Variants in PARD3B observed in about 807,000 individuals in gnomAD.
The protein encoded by PARD3B is par-3 family cell polarity regulator beta, also known as partitioning defective 3 homolog B.
In PARD3B, 103 loss-of-function variants were observed where a neutral mutation model predicts 130.2. The observed-to-expected ratio is 0.79, with a 90% CI of 0.67 to 0.93. PARD3B has a LOEUF of 0.93. Ranked by LOEUF, PARD3B falls within the 40% of genes least tolerant of loss-of-function variation. The pLI is 0.00. For synonymous variants in PARD3B, 583 were observed against 553.2 expected, an observed-to-expected ratio of 1.05 and a Z score of -0.76; for missense variants, 1,609 against 1,499.2, an observed-to-expected ratio of 1.07 and a Z score of -1.21.
intron 2 of PARD3B, among the ~76,000 whole-genome samples, chr2:204,749,378 C>T (rs113367901): frequency 0.027 from 4,089 of 152,176 alleles, 68 homozygotes; most frequent in Middle Eastern, 0.071. Flanking sequence ...TAGTGTTGAT[C>T]TCTAAGGAGT....
At chr2:205,036,888 T>C (rs1474821706) in intron 3 of PARD3B, among the ~76,000 whole-genome samples, 1 of 151,400 alleles carries the variant, frequency 6.6e-6, no homozygotes, top group Non-Finnish European at 1.5e-5. Flanking sequence ...TAGCGGACTG[T>C]ATATATAAAG....
At position 205,479,624 on chromosome 2, in the gene PARD3B, C is replaced by G. The variant is rs1040120573; in HGVS notation, c.3045-20272C>G. On this transcript the variant is annotated intron_variant, in intron 20 of 22. Coordinates refer to ENST00000406610, the MANE Select transcript of PARD3B (RefSeq NM_001302769.2). ...TTTTCTCCAGCTTCGTGACCATTAC[C>G]TAGGCCAGTCTACCATCACCCCTCA... 2.6e-5 allele frequency among the ~76,000 whole-genome samples: 4 copies of G among 152,210 alleles called. No individual in the cohort carries two copies. The South Asian group carries it at 8.3e-4, about 32-fold the overall frequency.
chr2:204,745,611 C>T (rs1391741448), intron 2 of PARD3B, among the ~76,000 whole-genome samples: 1 of 152,042 alleles, frequency 6.6e-6, no homozygotes, highest in East Asian at 1.9e-4. Context: ...CCATATTGGC[C>T]AGGCTGGTCT....
chr2:205,486,434 A>G (rs2049444801), intron 20 of PARD3B, among the ~76,000 whole-genome samples: 2 of 152,120 alleles, frequency 1.3e-5, no homozygotes, highest in South Asian at 2.1e-4. Context: ...TTTTGATGCA[A>G]TCTGCATCAG....
At chr2:205,111,114 A>G (rs1339385052) in intron 5 of PARD3B, among the ~76,000 whole-genome samples, 1 of 152,162 alleles carries the variant, frequency 6.6e-6, no homozygotes, top group Non-Finnish European at 1.5e-5. Flanking sequence ...ATAACATTTT[A>G]TAAAGAACAT....
intron 18 of PARD3B, among the ~76,000 whole-genome samples, chr2:205,342,353 C>G (rs532605911): frequency 2.2e-4 from 33 of 152,274 alleles, no homozygotes; most frequent in African/African-American, 7.5e-4. Context: ...AATCAGATGT[C>G]TACTAGAGCA....
chr2:205,122,732 G>T lies in PARD3B; in HGVS notation c.1165+783G>T, dbSNP rs908921592. 6.6e-6 allele frequency among the ~76,000 whole-genome samples: 1 copy of T among 152,142 alleles called. No individual in the cohort carries two copies. The highest frequency in any genetic ancestry group is 1.5e-5 in the Non-Finnish European group (1 of 68,018). ...TTAATAGAGAATTTATGGTCAAAAG[G>T]TAGTTTTAGAAAAACTATTAAGGTC... On this transcript the variant is annotated intron_variant, in intron 8 of 22. Transcript: ENST00000406610. The surrounding 1 kb of genome is among the most constrained non-coding windows in gnomAD (Gnocchi z 4.3).
chr2:204,568,589 T>C (rs902177208), intron 1 of PARD3B, among the ~76,000 whole-genome samples: 5 of 152,202 alleles, frequency 3.3e-5, no homozygotes, highest in Admixed American at 6.5e-5. Context: ...ACAACACTTA[T>C]TTAAAATATT....
intron 2 of PARD3B, among the ~76,000 whole-genome samples, chr2:204,850,218 A>G (rs1004377923): frequency 1.3e-5 from 2 of 152,102 alleles, no homozygotes; most frequent in Non-Finnish European, 2.9e-5. Flanking sequence ...GTGATGTGAG[A>G]TTTGGTGGCA....
chr2:204,925,686 A>C (rs1433258266), intron 2 of PARD3B, among the ~76,000 whole-genome samples: 1 of 152,008 alleles, frequency 6.6e-6, no homozygotes, highest in Non-Finnish European at 1.5e-5. Flanking sequence ...TGAGATTCAC[A>C]CCTCCAAGAG....
intron 2 of PARD3B, among the ~76,000 whole-genome samples, chr2:204,809,580 G>T (rs929873017): frequency 3.9e-5 from 6 of 152,084 alleles, no homozygotes; most frequent in Non-Finnish European, 8.8e-5. Flanking sequence ...TGGGGTCTCT[G>T]TTCTGTTCCA....
At chr2:204,881,315 G>A (rs893890736) in intron 2 of PARD3B, among the ~76,000 whole-genome samples, 15 of 151,670 alleles carry the variant, frequency 9.9e-5, no homozygotes, top group Non-Finnish European at 1.5e-4. Flanking sequence ...AATCCCTTTC[G>A]GTGGGGGGTG....
rs2047075425 is a variant in PARD3B, at chr2:205,424,444, G to A, written c.2742-15926G>A. Among the ~76,000 whole-genome samples the A allele has an allele frequency of 2.0e-5, 3 of 152,262 alleles. No individual in the cohort carries two copies. The South Asian group carries it at 6.2e-4, about 32-fold the overall frequency. ...GGATGAGTGTCCAGGGCCTTGGGAA[G>A]TGTGGCATTTAGGGCCAAGAAAACA... is the stretch of plus-strand genomic sequence containing the variant. On this transcript the variant is annotated intron_variant, in intron 19 of 22. Coordinates refer to ENST00000406610, the MANE Select transcript of PARD3B (RefSeq NM_001302769.2).
intron 2 of PARD3B, among the ~76,000 whole-genome samples, chr2:204,718,158 C>CT (rs761081141): frequency 1.8e-4 from 28 of 151,544 alleles, no homozygotes; most frequent in South Asian, 6.3e-4. Context: ...TTTGTGTTAT[C>CT]TTTTTTTTTC....
In PARD3B at chr2:205,617,203, A is replaced by G. The variant is rs1406543223; in HGVS notation, c.*1390A>G. ...TTTGCAGTAATTTTCTATGGAAACT[A>G]AAACCTCTAAAACATACAAGCTGGC... On this transcript the variant is annotated 3_prime_UTR_variant, in exon 23 of 23. Coordinates refer to ENST00000406610, the MANE Select transcript of PARD3B (RefSeq NM_001302769.2). The G allele has an allele frequency of 2.6e-5, 4 of 153,824 alleles. No individual in the cohort carries two copies. The Admixed American group carries it at 2.6e-4, about 10-fold the overall frequency. The allele number at this position is 153,824 out of a possible 1,614,324, so 9.5% of individuals were successfully genotyped here. A position where few individuals can be genotyped will look rare whatever the true frequency, so the allele number is the denominator to read the frequency against.
chr2:205,185,026 A>G (rs2036014200), intron 13 of PARD3B, among the ~76,000 whole-genome samples: 1 of 152,210 alleles, frequency 6.6e-6, no homozygotes, highest in Admixed American at 6.5e-5. Flanking sequence ...ATGAAATAAT[A>G]TACAAGGCTT....
chr2:204,892,388 A>G (rs2046480209), intron 2 of PARD3B, among the ~76,000 whole-genome samples: 1 of 152,200 alleles, frequency 6.6e-6, no homozygotes, highest in South Asian at 2.1e-4. Context: ...TCATTAGCTT[A>G]GACCAGAGGA....
chr2:205,469,821 A>G (rs527969349), intron 20 of PARD3B, among the ~76,000 whole-genome samples: 1 of 152,248 alleles, frequency 6.6e-6, no homozygotes, highest in African/African-American at 2.4e-5. Context: ...CATTTTAAAA[A>G]GCTTGACCAT....
At chr2:205,379,938 C>T (rs753957450) in intron 18 of PARD3B, among the ~76,000 whole-genome samples, 3 of 150,064 alleles carry the variant, frequency 2.0e-5, no homozygotes, top group Non-Finnish European at 3.0e-5. Context: ...CACAGTGGCA[C>T]GCACCTGTAG....
Sources: gnomAD v4.1 joint callset for allele counts (sites outside exome capture counted in the v4.1 genomes callset) on GRCh38, gnomAD v4.1.1 for gene constraint, Gnocchi (gnomAD v3.1) non-coding constraint, MANE v1.5 for transcripts, NCBI Gene and HGNC (gene_info 2026-07-23, HGNC 2026-07-21) for gene names.